Variants in FCHO1 observed in about 807,000 individuals in gnomAD.
FCHO1 encodes FCH and mu domain containing endocytic adaptor 1.
In FCHO1, 45 loss-of-function variants were observed where a neutral mutation model predicts 114.4. The ratio of observed to expected loss-of-function variants is 0.39; its 90% CI spans 0.31 to 0.50. The LOEUF (loss-of-function observed/expected upper bound fraction) is 0.50. Ranked by LOEUF, FCHO1 falls within the 20% of genes least tolerant of loss-of-function variation. The pLI, the probability that FCHO1 is intolerant of heterozygous loss-of-function variation, is 0.77. For synonymous variants in FCHO1, 480 were observed against 488.9 expected, an observed-to-expected ratio of 0.98 and a Z score of 0.24; for missense variants, 1,042 against 1,209.6, an observed-to-expected ratio of 0.86 and a Z score of 2.06.
At chr19:17,774,935 A>G in intron 13 of FCHO1, 121 bp from the exon 14 acceptor site, 1 of 1,088,518 alleles carries the variant, frequency 9.2e-7, no homozygotes, top group Non-Finnish European at 1.4e-6. Context: ...CTCTAGGGCT[A>G]GCTCAGGGCA....
intron 13 of FCHO1, 79 bp downstream of exon 13, chr19:17,774,557 C>A: frequency 8.5e-7 from 1 of 1,173,280 alleles, no homozygotes; most frequent in Non-Finnish European, 1.2e-6. Context: ...CAGAAGTCCC[C>A]TCCTAGGATA....
chr19:17,786,057 G>C (rs1354090059), intron 26 of FCHO1, among the ~76,000 whole-genome samples: 2 of 152,166 alleles, frequency 1.3e-5, no homozygotes, highest in African/African-American at 4.8e-5. Flanking sequence ...AAGGAAGCCG[G>C]GCATGGTGGC....
intron 4 of FCHO1, among the ~76,000 whole-genome samples, chr19:17,759,244 A>G (rs1257438082): frequency 5.3e-5 from 1 of 18,710 alleles, no homozygotes; most frequent in Middle Eastern, 0.05. Flanking sequence ...TTTTTTTGAG[A>G]CAGAGTCTTG....
chr19:17,755,054 A>T, intron 3 of FCHO1, 64 bp from the exon 4 acceptor site: 1 of 995,854 alleles, frequency 1.0e-6, no homozygotes, highest in East Asian at 2.4e-5. Flanking sequence ...ACAGGGAGGG[A>T]CTTTCCCCCC....
intron 24 of FCHO1, among the ~76,000 whole-genome samples, chr19:17,783,441 G>A (rs527622292): frequency 1.6e-3 from 240 of 150,654 alleles, no homozygotes; most frequent in African/African-American, 5.6e-3. Context: ...AATTTCTTTC[G>A]TATTTTAGTA....
rs1222234320 is a variant in FCHO1, at chr19:17,781,694, C to T, written c.1829-18C>T. ...ACTGTCTATCCGTTGTTCCCCATTC[C>T]CTCTCCACCACCCCCAGGAGTCTCC... is the stretch of plus-strand genomic sequence containing the variant. On this transcript the variant is annotated intron_variant, in intron 22 of 28. Coordinates refer to ENST00000596536, the MANE Select transcript of FCHO1 (RefSeq NM_015122.3). 1.3e-6 allele frequency: 2 copies of T among 1,584,950 alleles called. No homozygotes were observed.
rs1373632285 is a variant in FCHO1, at chr19:17,770,315, C to T, written c.337-110C>T. The T allele has an allele frequency of 2.5e-6, 3 of 1,201,436 alleles. No homozygotes were observed. The Admixed American group carries it at 8.2e-5, about 33-fold the overall frequency. 74.4% of individuals were successfully genotyped at this position (1,201,436 alleles called of 1,614,324 possible). On this transcript the variant is annotated intron_variant, in intron 7 of 28. Transcript: ENST00000596536. ...AAACTCTGTCTAAAAAAAACCAAAC[C>T]AAAACACACACACACACATAGAAAA...
At chr19:17,762,022 G>A (rs918795284) in intron 4 of FCHO1, among the ~76,000 whole-genome samples, 10 of 149,356 alleles carry the variant, frequency 6.7e-5, no homozygotes, top group African/African-American at 2.2e-4. Flanking sequence ...GTCTTGCTCT[G>A]ATACCCAGGC....
intron 4 of FCHO1, among the ~76,000 whole-genome samples, chr19:17,760,169 A>C (rs1193496214): frequency 1.3e-5 from 2 of 151,804 alleles, no homozygotes; most frequent in African/African-American, 4.8e-5. Flanking sequence ...CTCCTGCCTC[A>C]GCCTCCGAAT....
intron 23 of FCHO1, 55 bp downstream of exon 23, chr19:17,781,875 G>A: frequency 8.3e-7 from 1 of 1,197,990 alleles, no homozygotes; most frequent in South Asian, 1.4e-5. Context: ...GGGGAGTCCA[G>A]CAGGGACAGC....
At position 17,775,453 on chromosome 19, in the gene FCHO1, T is replaced by C. The variant is rs755299151; in HGVS notation, c.946-3T>C. ...ACTCACTGCTGCCCCCTGACTCCCC[T>C]AGACATGTCCAGAGGTGGATGAAGA... On this transcript the variant is annotated splice_region_variant and splice_polypyrimidine_tract_variant and intron_variant, in intron 14 of 28. Coordinates refer to ENST00000596536, the MANE Select transcript of FCHO1 (RefSeq NM_015122.3). The surrounding 1 kb of genome is among the most constrained non-coding windows in gnomAD (Gnocchi z 5.1). The C allele has an allele frequency of 2.5e-6, 4 of 1,613,706 alleles. No individual in the cohort carries two copies. Among genetic ancestry groups the C allele is most frequent in the Non-Finnish European group, 3.4e-6 (4 of 1,179,916 alleles).
chr19:17,774,557 C>T, intron 13 of FCHO1, 79 bp downstream of exon 13: 1 of 1,173,288 alleles, frequency 8.5e-7, no homozygotes, highest in Admixed American at 1.9e-5. Context: ...CAGAAGTCCC[C>T]TCCTAGGATA....
At chr19:17,778,286 C>A in intron 19 of FCHO1, 58 bp downstream of exon 19, 1 of 1,418,018 alleles carries the variant, frequency 7.1e-7, no homozygotes, top group Non-Finnish European at 1.0e-6. Flanking sequence ...TTGGGTGGGG[C>A]CATTGCAGAG....
In FCHO1 at chr19:17,787,821, G is replaced by C; in HGVS notation, c.2622G>C (p.Ser874=). The part of the protein sequence containing the change: ...LELVGSGYRM[S]LVKRRFATGM... ...TGGTGGGCAGCGGTTACCGCATGTC[G>C]CTGGTGAAGAGGAGGTTTGCCACAG... The change falls in exon 28 of 29, where the codon TCG becomes TCC. Residue 874 remains serine (S), a synonymous_variant. Transcript: ENST00000596536. The C allele has an allele frequency of 6.2e-7, 1 of 1,613,416 alleles. No homozygotes were observed. The highest frequency in any genetic ancestry group is 8.5e-7 in the Non-Finnish European group (1 of 1,179,800).
Position 17,784,621 on chromosome 19 carries a change from GGGGC to G in FCHO1, c.2227-101_2227-98del. ...AATCTCCCTGTGACTGGACCCCCTT[GGGGC>G]GGTGCGTGCATCGCAGGGTCAAGGT... On this transcript the variant is annotated intron_variant, in intron 25 of 28. Transcript: ENST00000596536. This position sits in a 1 kb window ranked among gnomAD's most constrained non-coding sequence, Gnocchi z 5.3. 1 of 1,086,008 alleles carries G rather than the reference GGGGC, an allele frequency of 9.2e-7. No individual in the cohort carries two copies. Among genetic ancestry groups the G allele is most frequent in the Non-Finnish European group, 1.4e-6 (1 of 710,954 alleles). 67.3% of individuals were successfully genotyped at this position (1,086,008 alleles called of 1,614,324 possible).
Position 17,776,205 on chromosome 19 carries a change from G to A in FCHO1, c.1183-42G>A. On this transcript the variant is annotated intron_variant, in intron 16 of 28. Transcript: ENST00000596536. The surrounding 1 kb of genome is among the most constrained non-coding windows in gnomAD (Gnocchi z 4.4). ...GCCCTGGGTGTTGCTAGAGAGGCTG[G>A]CTGGATGCATTCGTGTGTGATGTTG... 6.2e-7 allele frequency: 1 copy of A among 1,614,100 alleles called. No homozygotes were observed. The highest frequency in any genetic ancestry group is 1.3e-5 in the African/African-American group (1 of 75,026).
In FCHO1 at chr19:17,781,281, C is replaced by G; in HGVS notation, c.1678C>G (p.Pro560Ala). Residue 560 changes from proline to alanine, a missense_variant, in exon 21 of 29, where the codon CCA (proline) becomes GCA (alanine). By Grantham distance (27) the Pro-to-Ala change is conservative (BLOSUM62 -1). Coordinates refer to ENST00000596536, the MANE Select transcript of FCHO1 (RefSeq NM_015122.3). ...DPTAREGLAA[P>A]PRRLRSRKVS... Reference sequence around the variant, plus strand: ...CACAGCCAGGGAGGGCCTGGCAGCCCCACCCAGGAGACTTCGCTCTAGGAA... The same window carrying G: ...CACAGCCAGGGAGGGCCTGGCAGCCGCACCCAGGAGACTTCGCTCTAGGAA... The G allele has an allele frequency of 6.2e-7, 1 of 1,613,982 alleles. No homozygotes were observed. Among genetic ancestry groups the G allele is most frequent in the Non-Finnish European group, 8.5e-7 (1 of 1,179,946 alleles).
In FCHO1 at chr19:17,776,422, T is replaced by C; in HGVS notation, c.1207+151T>C. On this transcript the variant is annotated intron_variant, in intron 17 of 28. Transcript: ENST00000596536. This position sits in a 1 kb window ranked among gnomAD's most constrained non-coding sequence, Gnocchi z 4.4. Reference sequence around the variant, plus strand: ...CCTTTTCTGTAAAATGAGGTCATTATGAAATTAAGTGAGAGCTGAAAGGGG... The same window carrying C: ...CCTTTTCTGTAAAATGAGGTCATTACGAAATTAAGTGAGAGCTGAAAGGGG... 1 of 1,150,324 alleles carries C rather than the reference T, an allele frequency of 8.7e-7. No individual in the cohort carries two copies. Among genetic ancestry groups the C allele is most frequent in the South Asian group, 1.2e-5 (1 of 80,190 alleles). The allele number at this position is 1,150,324 out of a possible 1,614,324, so 71.3% of individuals were successfully genotyped here.
rs2092546215 is a variant in FCHO1 at position 17,775,784 on chromosome 19, G to A, written c.1004-199G>A. Among the ~76,000 whole-genome samples, 1 of 151,726 alleles carries A rather than the reference G, an allele frequency of 6.6e-6. No individual in the cohort carries two copies. Among genetic ancestry groups the A allele is most frequent in the African/African-American group, 2.4e-5 (1 of 41,226 alleles). On this transcript the variant is annotated intron_variant, in intron 15 of 28. Coordinates refer to ENST00000596536, the MANE Select transcript of FCHO1 (RefSeq NM_015122.3). This position sits in a 1 kb window ranked among gnomAD's most constrained non-coding sequence, Gnocchi z 5.1. ...AATAGGAGTTTGCCAGTTAGTTCTG[G>A]GCATGCTTGTGCAAAGGCTTCTCGG...
Sources: gnomAD v4.1 joint callset for allele counts (sites outside exome capture counted in the v4.1 genomes callset) on GRCh38, gnomAD v4.1.1 for gene constraint, Gnocchi (gnomAD v3.1) non-coding constraint, MANE v1.5 for transcripts, NCBI Gene and HGNC (gene_info 2026-07-23, HGNC 2026-07-21) for gene names.